Variants in NRXN1 observed in about 807,000 individuals in gnomAD.
NRXN1 encodes the protein neurexin-1.
In NRXN1, 39 loss-of-function variants were observed where a neutral mutation model predicts 150.9. That is an observed-to-expected ratio of 0.26 (90% CI 0.20 to 0.34). The LOEUF (loss-of-function observed/expected upper bound fraction) is 0.34. Among genes scored for constraint, NRXN1 ranks in the 10% least tolerant of loss-of-function variants. The probability of loss-of-function intolerance (pLI) is 1.00; values close to 1 mark genes in which losing one functional copy is unlikely to be tolerated. For synonymous variants in NRXN1, 924 were observed against 757.0 expected (o/e 1.22, Z -3.62); for missense variants, 1,815 against 1,949.9 (o/e 0.93, Z 1.30).
At chr2:50,716,759 G>A (rs894942161) in intron 5 of NRXN1, among the ~76,000 whole-genome samples, 1 of 152,042 alleles carries the variant, frequency 6.6e-6, no homozygotes, top group Admixed American at 6.6e-5. Flanking sequence ...ACCATGCTAG[G>A]CATCTTTACA....
chr2:50,278,347 G>A (rs1303209289), intron 17 of NRXN1, among the ~76,000 whole-genome samples: 1 of 137,060 alleles, frequency 7.3e-6, no homozygotes, highest in Non-Finnish European at 1.5e-5. Context: ...TAGAGATGGG[G>A]TTTCACCATG....
At chr2:50,133,105 A>T (rs967640051) in intron 18 of NRXN1, among the ~76,000 whole-genome samples, 4 of 152,164 alleles carry the variant, frequency 2.6e-5, no homozygotes, top group Non-Finnish European at 5.9e-5. Context: ...TAAAAGCAGT[A>T]ATTTAGTAGT....
chr2:50,607,684 G>A (rs1677357923), intron 8 of NRXN1, among the ~76,000 whole-genome samples: 1 of 150,720 alleles, frequency 6.6e-6, no homozygotes, highest in African/African-American at 2.4e-5. Context: ...TGCACACAGT[G>A]ATTTTCTGCA....
At chr2:50,203,742 C>T (rs2062358289) in intron 18 of NRXN1, among the ~76,000 whole-genome samples, 2 of 152,102 alleles carry the variant, frequency 1.3e-5, no homozygotes, top group African/African-American at 4.8e-5. Context: ...ATATTACATG[C>T]ATTATATTTT....
Position 50,553,029 on chromosome 2 carries a change from T to C in NRXN1, c.1321-4A>G, listed in dbSNP as rs1006135407. 6.3e-7 allele frequency: 1 copy of C among 1,596,336 alleles called. No individual in the cohort carries two copies. Among genetic ancestry groups the C allele is most frequent in the African/African-American group, 1.3e-5 (1 of 74,340 alleles). ...CATCATTATTTTTATATACAACCTG[T>C]GGGCAGAGGATAGCAGTGAGAAACT... On this transcript the variant is annotated splice_region_variant and splice_polypyrimidine_tract_variant and intron_variant, in intron 8 of 22. Transcript: ENST00000401669.
intron 5 of NRXN1, among the ~76,000 whole-genome samples, chr2:50,728,189 A>G (rs1009118439): frequency 2.0e-5 from 3 of 151,958 alleles, no homozygotes; most frequent in Non-Finnish European, 2.9e-5. Context: ...TATTATAGAC[A>G]CTTATATGAC....
intron 18 of NRXN1, among the ~76,000 whole-genome samples, chr2:50,141,113 G>A (rs1707213820): frequency 6.6e-6 from 1 of 152,080 alleles, no homozygotes; most frequent in African/African-American, 2.4e-5. Flanking sequence ...CAACAAGTAA[G>A]ACGTACACTC....
At chr2:50,224,079 C>T (rs1331379114) in intron 18 of NRXN1, among the ~76,000 whole-genome samples, 1 of 151,872 alleles carries the variant, frequency 6.6e-6, no homozygotes, top group Non-Finnish European at 1.5e-5. Context: ...AGTGCATTCA[C>T]CTTGAGGGTC....
chr2:50,718,901 A>T (rs904385600), intron 5 of NRXN1, among the ~76,000 whole-genome samples: 3 of 152,064 alleles, frequency 2.0e-5, no homozygotes, highest in African/African-American at 7.2e-5. Flanking sequence ...TAAGCTGATT[A>T]GATAAAACAG....
chr2:50,309,629 C>G (rs13387808), intron 17 of NRXN1, among the ~76,000 whole-genome samples: 2 of 152,070 alleles, frequency 1.3e-5, no homozygotes, highest in Non-Finnish European at 2.9e-5. Flanking sequence ...TGCATAAAAT[C>G]AGGCCAGTTT....
chr2:50,787,449 C>G (rs961735818), intron 5 of NRXN1, among the ~76,000 whole-genome samples: 4 of 151,718 alleles, frequency 2.6e-5, no homozygotes, highest in African/African-American at 9.7e-5. Flanking sequence ...GTAATCCCAG[C>G]TATTCGGGAT....
At chr2:50,367,661 C>T (rs2079687038) in intron 17 of NRXN1, among the ~76,000 whole-genome samples, 1 of 151,994 alleles carries the variant, frequency 6.6e-6, no homozygotes, top group Admixed American at 6.6e-5. Flanking sequence ...TATCTACCTT[C>T]TGACATGCAG....
rs1574894245 is a variant in NRXN1 at position 50,906,981 on chromosome 2, C to G, written c.832+14888G>C. On this transcript the variant is annotated intron_variant, in intron 5 of 22. Coordinates refer to ENST00000401669, the MANE Select transcript of NRXN1 (RefSeq NM_001330078.2). ...CCTTTTCCTGCCCTCCTCTCTCACA[C>G]CCCTCTTTCTCCCCAGAAGCAAGTC... Among the ~76,000 whole-genome samples, 3 of 152,012 alleles carry G rather than the reference C, an allele frequency of 2.0e-5. No homozygotes were observed. The South Asian group carries it at 6.2e-4, about 32-fold the overall frequency.
intron 17 of NRXN1, among the ~76,000 whole-genome samples, chr2:50,273,127 T>C (rs1190109012): frequency 6.6e-6 from 1 of 152,118 alleles, no homozygotes; most frequent in African/African-American, 2.4e-5. Flanking sequence ...TTGGCAAATA[T>C]TGAAAAGATT....
chr2:50,187,819 T>G (rs1284097888), intron 18 of NRXN1, among the ~76,000 whole-genome samples: 1 of 152,166 alleles, frequency 6.6e-6, no homozygotes, highest in Non-Finnish European at 1.5e-5. Context: ...GTTGGATTCC[T>G]AGGTATTTTA....
At chr2:50,427,762 AAT>A (rs1572932491) in intron 17 of NRXN1, among the ~76,000 whole-genome samples, 1 of 152,216 alleles carries the variant, frequency 6.6e-6, no homozygotes, top group East Asian at 1.9e-4. Flanking sequence ...CTGTTGACAC[AAT>A]AACAAGACCT....
At chr2:50,823,926 CTG>C (rs1260579420) in intron 5 of NRXN1, among the ~76,000 whole-genome samples, 2 of 152,142 alleles carry the variant, frequency 1.3e-5, no homozygotes, top group Non-Finnish European at 2.9e-5. Context: ...ACTTTCCTCT[CTG>C]TGAATGGCAA....
At chr2:50,473,810 G>T (rs1216949120) in intron 15 of NRXN1, among the ~76,000 whole-genome samples, 1 of 151,960 alleles carries the variant, frequency 6.6e-6, no homozygotes. Flanking sequence ...GTCTTCTGCA[G>T]GCACCCATTA....
chr2:50,199,570 G>GCACA (rs1370294252), intron 18 of NRXN1, among the ~76,000 whole-genome samples: 2 of 127,046 alleles, frequency 1.6e-5, no homozygotes, highest in South Asian at 2.5e-4. Context: ...ACACACACAT[G>GCACA]CACACTGACA....
Sources: allele counts gnomAD v4.1 joint callset (sites outside exome capture counted in the v4.1 genomes callset), GRCh38; gene constraint gnomAD v4.1.1; transcripts MANE v1.5; gene names NCBI Gene and HGNC (gene_info 2026-07-23, HGNC 2026-07-21).